Variants in CD226 observed in about 807,000 individuals in gnomAD.
The protein encoded by CD226 is CD226 molecule, also known as CD226 antigen.
CD226 carries 24 observed loss-of-function variants against 34.9 expected under a neutral mutation model. The ratio of observed to expected loss-of-function variants is 0.69; its 90% CI spans 0.50 to 0.97. The LOEUF (loss-of-function observed/expected upper bound fraction) is 0.97. CD226 is among the 50% of genes least tolerant of loss of function. CD226 has a pLI of 0.00. For missense variants in CD226, 397 were observed against 412.7 expected (o/e 0.96, Z 0.33); for synonymous variants, 148 against 147.4 (o/e 1.00, Z -0.03).
rs1982531432 is a variant in CD226 at position 69,853,497 on chromosome 18, G to A, written c.*10817C>T. ...TACTTCTGTGGCTCCTCTTACCCAT[G>A]GAGTCTTCTAATTCTCATTTACCTT... On this transcript the variant is annotated 3_prime_UTR_variant, in exon 6 of 6. Coordinates refer to ENST00000582621, the MANE Select transcript of CD226 (RefSeq NM_001303618.2). The A allele has an allele frequency of 1.3e-5, 2 of 152,024 alleles. No homozygotes were observed. Among genetic ancestry groups the A allele is most frequent in the Non-Finnish European group, 2.9e-5 (2 of 68,012 alleles). 9.4% of individuals were successfully genotyped at this position (152,024 alleles called of 1,614,324 possible). A position where few individuals can be genotyped will look rare whatever the true frequency, so the allele number is the denominator to read the frequency against.
intron 5 of CD226, among the ~76,000 whole-genome samples, chr18:69,865,834 C>T (rs910815832): frequency 2.6e-5 from 4 of 152,216 alleles, no homozygotes; most frequent in Non-Finnish European, 5.9e-5. Flanking sequence ...TAGAATTCCA[C>T]TGCGAATAGT....
At chr18:69,923,237 A>AAGAG in intron 2 of CD226, among the ~76,000 whole-genome samples, 1 of 151,280 alleles carries the variant, frequency 6.6e-6, no homozygotes, top group East Asian at 1.9e-4. Flanking sequence ...GAGAGAAAGA[A>AAGAG]AGAGAGAGAG....
At chr18:69,882,942 A>G (rs555784149) in intron 3 of CD226, among the ~76,000 whole-genome samples, 2 of 152,216 alleles carry the variant, frequency 1.3e-5, no homozygotes, top group Non-Finnish European at 2.9e-5. Context: ...CATTGGGATT[A>G]CAGGCAGGAG....
chr18:69,877,414 A>C (rs765891081), intron 3 of CD226, among the ~76,000 whole-genome samples: 2 of 152,222 alleles, frequency 1.3e-5, no homozygotes, highest in Non-Finnish European at 2.9e-5. Flanking sequence ...TCAGCTGTCC[A>C]GAAACTCTCC....
chr18:69,892,646 G>T (rs889618786), intron 3 of CD226, among the ~76,000 whole-genome samples: 3 of 152,112 alleles, frequency 2.0e-5, no homozygotes, highest in Non-Finnish European at 2.9e-5. Flanking sequence ...ACCAATCAAG[G>T]CCTGGATACT....
chr18:69,928,238 C>T (rs780996642), intron 2 of CD226, among the ~76,000 whole-genome samples: 5 of 152,154 alleles, frequency 3.3e-5, no homozygotes, highest in Non-Finnish European at 7.3e-5. Context: ...CATACGTTTC[C>T]TATGTACAGA....
At chr18:69,950,652 G>T (rs1184083978), upstream of CD226, among the ~76,000 whole-genome samples, 1 of 152,144 alleles carries the variant, frequency 6.6e-6, no homozygotes, top group Non-Finnish European at 1.5e-5. Flanking sequence ...GGTGCACAAA[G>T]TCAGAGACTT....
intron 2 of CD226, among the ~76,000 whole-genome samples, chr18:69,905,406 A>C (rs1321081420): frequency 6.6e-6 from 1 of 152,204 alleles, no homozygotes; most frequent in East Asian, 1.9e-4. Flanking sequence ...TCCAAGTAGA[A>C]AGCAAGGAAG....
At position 69,861,542 on chromosome 18, in the gene CD226, G is replaced by GTATATATATGTATATATA. The variant is rs1555675777; in HGVS notation, c.*2771_*2772insTATATATACATATATATA. 4.8e-5 allele frequency: 2 copies of GTATATATATGTATATATA among 41,546 alleles called. No individual in the cohort carries two copies. Among genetic ancestry groups the GTATATATATGTATATATA allele is most frequent in the Admixed American group, 3.9e-4 (1 of 2,568 alleles). The allele number at this position is 41,546 out of a possible 1,614,324, so 2.6% of individuals were successfully genotyped here. On this transcript the variant is annotated 3_prime_UTR_variant, in exon 6 of 6. Coordinates refer to ENST00000582621, the MANE Select transcript of CD226 (RefSeq NM_001303618.2). ...TTATCCATCGATATAAATTATATGT[G>GTATATATATGTATATATA]TATATATATATGTATATATATATAT... is the stretch of plus-strand genomic sequence containing the variant.
chr18:69,933,393 T>C (rs1003728881), intron 2 of CD226, among the ~76,000 whole-genome samples: 1 of 152,192 alleles, frequency 6.6e-6, no homozygotes, highest in African/African-American at 2.4e-5. Flanking sequence ...TGTGATGCAC[T>C]TTCCTGTTTG....
rs116803069 is a variant in CD226 at position 69,938,813 on chromosome 18, G to C, written c.382+7921C>G. Among the ~76,000 whole-genome samples the C allele has an allele frequency of 1.5e-4, 23 of 152,322 alleles. 1 individual carries two copies. The South Asian group carries it at 4.8e-3, about 32-fold the overall frequency. On this transcript the variant is annotated intron_variant, in intron 2 of 5. Coordinates refer to ENST00000582621, the MANE Select transcript of CD226 (RefSeq NM_001303618.2). ...GAAATCAGTAGATTTGGCCAGGCAAGGTGGCCTATGCCTGTAATTCCAGCA... is the reference window on the plus strand; with the variant it reads ...GAAATCAGTAGATTTGGCCAGGCAACGTGGCCTATGCCTGTAATTCCAGCA...
intron 2 of CD226, among the ~76,000 whole-genome samples, chr18:69,945,126 C>T (rs928547326): frequency 2.6e-5 from 4 of 152,220 alleles, no homozygotes; most frequent in Admixed American, 1.3e-4. Context: ...AAGAAACACA[C>T]AGTTCCAAAA....
In CD226 at chr18:69,899,947, T is replaced by C. The variant is rs565686730; in HGVS notation, c.383-3902A>G. Among the ~76,000 whole-genome samples, 12 of 152,268 alleles carry C rather than the reference T, an allele frequency of 7.9e-5. No individual in the cohort carries two copies. In the East Asian group the frequency reaches 1.7e-3, roughly 22 times the overall value. On this transcript the variant is annotated intron_variant, in intron 2 of 5. Coordinates refer to ENST00000582621, the MANE Select transcript of CD226 (RefSeq NM_001303618.2). ...TCCTGGGCATATACCCAGAGGAATA[T>C]AAATCATCCCACTATAAAGACACAT...
chr18:69,947,448 A>AT lies in CD226; in HGVS notation c.-43_-42insA. 6.9e-7 allele frequency: 1 copy of AT among 1,453,148 alleles called. No homozygotes were observed. The highest frequency in any genetic ancestry group is 1.2e-5 in the South Asian group (1 of 80,842). The allele number at this position is 1,453,148 out of a possible 1,614,324, so 90.0% of individuals were successfully genotyped here. A position where few individuals can be genotyped will look rare whatever the true frequency, so the allele number is the denominator to read the frequency against. On this transcript the variant is annotated 5_prime_UTR_variant, in exon 1 of 6. Transcript: ENST00000582621. ...AAAGGCTGGTTCTATTAAAAAAAAA[A>AT]ATTGCTTTTTATAATGTGACATGCA...
chr18:69,875,428 G>A (rs932516362), intron 3 of CD226, among the ~76,000 whole-genome samples: 15 of 152,260 alleles, frequency 9.9e-5, no homozygotes, highest in Middle Eastern at 3.4e-3. Flanking sequence ...ATGAGCCACC[G>A]CACCTGGCCT....
intron 3 of CD226, among the ~76,000 whole-genome samples, chr18:69,891,853 T>C (rs1294770883): frequency 6.6e-6 from 1 of 152,254 alleles, no homozygotes; most frequent in Non-Finnish European, 1.5e-5. Flanking sequence ...TTGCCATCTT[T>C]GCTCAAGAAC....
At chr18:69,896,257 A>G (rs1227438358) in intron 2 of CD226, 1 of 578,168 alleles carries the variant, frequency 1.7e-6, no homozygotes, top group Non-Finnish European at 2.2e-6. Context: ...TCTCGGCTCA[A>G]TGCAACCTCC....
upstream of CD226, chr18:69,957,256 C>T (rs1358099770): frequency 6.6e-6 from 1 of 152,198 alleles, no homozygotes; most frequent in Non-Finnish European, 1.5e-5. Flanking sequence ...TCCTGCCAAT[C>T]AAAGCACATT....
chr18:69,912,554 A>C (rs1424321073), intron 2 of CD226, among the ~76,000 whole-genome samples: 2 of 152,216 alleles, frequency 1.3e-5, no homozygotes, highest in Non-Finnish European at 2.9e-5. Context: ...ATTTTTGGAC[A>C]TAAAATTCCT....
Sources: allele counts gnomAD v4.1 joint callset (sites outside exome capture counted in the v4.1 genomes callset), GRCh38; gene constraint gnomAD v4.1.1; transcripts MANE v1.5; gene names NCBI Gene and HGNC (gene_info 2026-07-23, HGNC 2026-07-21).